The following GNL3L variants were observed in gnomAD, a reference collection of about 807,000 sequenced individuals.
GNL3L encodes the protein guanine nucleotide-binding protein-like 3-like protein.
Under a neutral mutation model 42.9 loss-of-function variants are expected in GNL3L, and 4 were observed. The observed-to-expected ratio is 0.09, with a 90% CI of 0.05 to 0.21. The LOEUF (loss-of-function observed/expected upper bound fraction) is 0.21. GNL3L is among the 10% of genes least tolerant of loss of function. GNL3L has a pLI of 1.00. For missense variants in GNL3L, 412 were observed against 481.7 expected, an observed-to-expected ratio of 0.86 and a Z score of 1.36; for synonymous variants, 159 against 176.3, an observed-to-expected ratio of 0.90 and a Z score of 0.78.
intron 14 of GNL3L, among the ~76,000 whole-genome samples, chrX:54,557,561 A>G (rs1172986490): frequency 9.0e-6 from 1 of 110,981 alleles, no homozygotes; most frequent in Non-Finnish European, 1.9e-5. Context: ...CAGCCTCCCA[A>G]GTAGCTGGGA....
At chrX:54,549,910 C>T (rs977041784) in intron 9 of GNL3L, among the ~76,000 whole-genome samples, 1 of 110,000 alleles carries the variant, frequency 9.1e-6, no homozygotes, top group Non-Finnish European at 1.9e-5. Context: ...GAAGAGACAC[C>T]GTGAGACACA....
chrX:54,622,310 A>T (rs1602010512), downstream of GNL3L, among the ~76,000 whole-genome samples: 1 of 63,604 alleles, frequency 1.6e-5, no homozygotes, highest in East Asian at 5.7e-4. Context: ...TTGGAGACGG[A>T]GTCTTGCTCC....
At chrX:54,601,063 G>C (rs974043384) in intron 16 of GNL3L, among the ~76,000 whole-genome samples, 3 of 111,795 alleles carry the variant, frequency 2.7e-5, no homozygotes, top group African/African-American at 9.8e-5. Flanking sequence ...GATAAACCTT[G>C]ATACATTAAG....
chrX:54,605,292 GA>G (rs1449324034), intron 16 of GNL3L, among the ~76,000 whole-genome samples: 2 of 111,782 alleles, frequency 1.8e-5, no homozygotes, highest in African/African-American at 3.3e-5. Flanking sequence ...ACTCATGTTT[GA>G]ACTCTTCTAA....
intron 16 of GNL3L, among the ~76,000 whole-genome samples, chrX:54,589,204 T>C (rs1343210830): frequency 9.0e-6 from 1 of 111,718 alleles, no homozygotes; most frequent in Non-Finnish European, 1.9e-5. Context: ...AATTAAGTTA[T>C]TATTGACTAT....
At chrX:54,629,729 G>A in the GNL3L span, among the ~76,000 whole-genome samples, 2 of 110,747 alleles carry the variant, frequency 1.8e-5, no homozygotes, top group Admixed American at 9.6e-5. Context: ...TTCTTTTTTG[G>A]TTATGTCCTC....
intron 14 of GNL3L, 105 bp downstream of exon 14, chrX:54,554,797 A>T: frequency 1.4e-6 from 1 of 702,433 alleles, no homozygotes; most frequent in Non-Finnish European, 2.2e-6. Flanking sequence ...TGGGTAGTTC[A>T]CTCGCTCCCT....
Position 54,564,731 on chromosome X carries a change from C to CT in GNL3L, c.*4149dup, listed in dbSNP as rs781526946. 0.063 allele frequency among the ~76,000 whole-genome samples: 4,513 copies of CT among 71,860 alleles called. 450 individuals carry two copies. Among genetic ancestry groups the CT allele is most frequent in the African/African-American group, 0.2 (3,404 of 17,251 alleles). 62.4% of individuals were successfully genotyped at this position (71,860 alleles called of 115,157 possible). On this transcript the variant is annotated 3_prime_UTR_variant, in exon 16 of 16. Coordinates refer to ENST00000360845, the MANE Select transcript of GNL3L (RefSeq NM_001184819.2). Reference sequence around the variant, plus strand: ...TTTTTCTTTGTTCTTATATTTTTGTCTTTTTTTTTTTTTTTTTTTTGAAAC... The same window carrying CT: ...TTTTTCTTTGTTCTTATATTTTTGTCTTTTTTTTTTTTTTTTTTTTTGAAAC...
chrX:54,639,580 G>A, the GNL3L span, among the ~76,000 whole-genome samples: 1 of 112,107 alleles, frequency 8.9e-6, no homozygotes, highest in African/African-American at 3.2e-5. Context: ...AAGCGGTCGT[G>A]AGCCTTGAGC....
chrX:54,557,064 C>G (rs756526968), intron 14 of GNL3L, among the ~76,000 whole-genome samples: 1 of 109,027 alleles, frequency 9.2e-6, no homozygotes, highest in Non-Finnish European at 1.9e-5. Context: ...CGCCTATAAT[C>G]TCAGCTACTC....
At chrX:54,580,013 T>A (rs1461291163) in intron 16 of GNL3L, among the ~76,000 whole-genome samples, 6 of 99,802 alleles carry the variant, frequency 6.0e-5, no homozygotes, top group Non-Finnish European at 1.2e-4. Context: ...TTTTTTTTTT[T>A]ATACTTTAAG....
chrX:54,618,451 G>A, intron 16 of GNL3L, among the ~76,000 whole-genome samples: 1 of 111,852 alleles, frequency 8.9e-6, no homozygotes, highest in Non-Finnish European at 1.9e-5. Context: ...TCTAGGTGAT[G>A]TGGTAATCTT....
intron 16 of GNL3L, among the ~76,000 whole-genome samples, chrX:54,584,716 T>C (rs1925760674): frequency 8.9e-6 from 1 of 112,982 alleles, no homozygotes; most frequent in Admixed American, 9.3e-5. Context: ...GTGGGATTCC[T>C]GGATCAAATG....
At position 54,590,043 on chromosome X, in the gene GNL3L, G is replaced by A. The variant is rs369196570; in HGVS notation, c.*45+29396G>A. 2.7e-5 allele frequency among the ~76,000 whole-genome samples: 3 copies of A among 110,397 alleles called. No homozygotes were observed. The East Asian group carries it at 8.6e-4, about 31-fold the overall frequency. On this transcript the variant is annotated intron_variant, in intron 16 of 16. Coordinates refer to the GNL3L transcript ENST00000674498. ...CAACCTCTGCCTCCCAGGTTCAAGC[G>A]ATTCTCCTGCCTCAGCCTCCCGAGT...
In GNL3L at chrX:54,566,067, C is replaced by T. The variant is rs185166202; in HGVS notation, c.*5465C>T. ...AACTCTGGACCTCAAGTGATACACC[C>T]GTCTTAGCCTCCCAAAGTTCTGGGA... On this transcript the variant is annotated 3_prime_UTR_variant, in exon 16 of 16. Transcript: ENST00000360845. Among the ~76,000 whole-genome samples the T allele has an allele frequency of 3.5e-4, 39 of 111,044 alleles. No individual in the cohort carries two copies. The highest frequency in any genetic ancestry group is 1.1e-3 in the African/African-American group (34 of 30,590).
chrX:54,637,477 G>GCA, the GNL3L span, among the ~76,000 whole-genome samples: 336 of 110,634 alleles, frequency 3.0e-3, 2 homozygotes, highest in African/African-American at 1.0e-2. Context: ...ACATGTGCAT[G>GCA]CACACACACA....
intron 4 of GNL3L, 81 bp downstream of exon 4, chrX:54,540,323 G>C: frequency 1.6e-6 from 1 of 612,878 alleles, no homozygotes; most frequent in Non-Finnish European, 2.7e-6. Context: ...GAAGGGCAAA[G>C]GCAAGAGTTG....
intron 13 of GNL3L, among the ~76,000 whole-genome samples, chrX:54,553,946 A>G (rs1027017342): frequency 4.5e-5 from 5 of 111,691 alleles, no homozygotes; most frequent in Non-Finnish European, 9.4e-5. Context: ...GTGCTCCATC[A>G]CTGAGAATAC....
Position 54,551,880 on chromosome X carries a change from C to G in GNL3L, c.1087C>G (p.Leu363Val), listed in dbSNP as rs1019104303. The change falls in exon 12 of 16, where the codon CTG (leucine) becomes GTG (valine). Residue 363 changes from leucine to valine, a missense_variant. Leu to Val is a conservative substitution (Grantham distance 32, BLOSUM62 1). Coordinates refer to ENST00000360845, the MANE Select transcript of GNL3L (RefSeq NM_001184819.2). ...TGGGTTCCAGACCACTGAGCACTTT[C>G]TGACGGCAGTGGCCCACCGTTTGGG... ...VSGFQTTEHF[L>V]TAVAHRLGKK... 1 of 1,209,507 alleles carries G rather than the reference C, an allele frequency of 8.3e-7. No individual in the cohort carries two copies. The highest frequency in any genetic ancestry group is 1.1e-6 in the Non-Finnish European group (1 of 894,179).
Sources: allele counts gnomAD v4.1 joint callset (sites outside exome capture counted in the v4.1 genomes callset), GRCh38; gene constraint gnomAD v4.1.1; transcripts MANE v1.5; gene names NCBI Gene and HGNC (gene_info 2026-07-23, HGNC 2026-07-21).